The following DAB1 variants were observed in gnomAD, a reference collection of about 807,000 sequenced individuals.
The protein encoded by DAB1 is disabled homolog 1.
Under a neutral mutation model 64.6 loss-of-function variants are expected in DAB1, and 15 were observed. The ratio of observed to expected loss-of-function variants is 0.23; its 90% CI spans 0.16 to 0.36. The LOEUF is 0.36. Ranked by LOEUF, DAB1 falls within the 10% of genes least tolerant of loss-of-function variation. The pLI is 1.00. For missense variants in DAB1, 596 were observed against 706.7 expected, an observed-to-expected ratio of 0.84 and a Z score of 1.78; for synonymous variants, 235 against 251.9, an observed-to-expected ratio of 0.93 and a Z score of 0.64.
At chr1:58,158,454 C>G (rs1429122421) in intron 4 of DAB1, among the ~76,000 whole-genome samples, 1 of 152,138 alleles carries the variant, frequency 6.6e-6, no homozygotes, top group East Asian at 1.9e-4. Context: ...AGCTAAAACT[C>G]TCGGTCCACA....
At chr1:57,120,084 G>A (rs1006457973) in intron 4 of DAB1, among the ~76,000 whole-genome samples, 2 of 152,104 alleles carry the variant, frequency 1.3e-5, no homozygotes, top group Non-Finnish European at 2.9e-5. Context: ...TGTAGAAAGT[G>A]ACAACAAATA....
At chr1:57,549,913 A>G (rs1390434252) in intron 7 of DAB1, among the ~76,000 whole-genome samples, 1 of 152,202 alleles carries the variant, frequency 6.6e-6, no homozygotes, top group Non-Finnish European at 1.5e-5. Context: ...TAAGAGTTCT[A>G]CAGGCATTAG....
intron 4 of DAB1, among the ~76,000 whole-genome samples, chr1:57,121,133 A>G (rs1338758678): frequency 9.4e-6 from 1 of 106,640 alleles, no homozygotes; most frequent in Admixed American, 1.0e-4. Flanking sequence ...AGAAGAAGAG[A>G]AGAAGAAGGA....
chr1:57,398,455 T>G (rs1000362812), intron 1 of DAB1, among the ~76,000 whole-genome samples: 2 of 152,194 alleles, frequency 1.3e-5, no homozygotes, highest in African/African-American at 4.8e-5. Flanking sequence ...GAAAGGGGTC[T>G]TTTTAAATGA....
At chr1:57,626,593 C>A (rs1176148809) in intron 7 of DAB1, among the ~76,000 whole-genome samples, 1 of 152,104 alleles carries the variant, frequency 6.6e-6, no homozygotes, top group Non-Finnish European at 1.5e-5. Flanking sequence ...GCTGCTTTAA[C>A]AAGACACCAT....
At chr1:58,443,161 T>A (rs1645030921) in intron 3 of DAB1, among the ~76,000 whole-genome samples, 1 of 152,080 alleles carries the variant, frequency 6.6e-6, no homozygotes, top group Non-Finnish European at 1.5e-5. Flanking sequence ...GGACCAGCTC[T>A]CCCATCACCT....
intron 5 of DAB1, among the ~76,000 whole-genome samples, chr1:57,954,939 C>T (rs1645357833): frequency 6.6e-6 from 1 of 152,104 alleles, no homozygotes; most frequent in Admixed American, 6.5e-5. Context: ...CTCAGAGAGG[C>T]AAAAGACTTA....
intron 1 of DAB1, among the ~76,000 whole-genome samples, chr1:57,868,834 C>A (rs1206303434): frequency 6.6e-6 from 1 of 152,078 alleles, no homozygotes; most frequent in Non-Finnish European, 1.5e-5. Context: ...TTATTGGTAC[C>A]CAGTGCTTTC....
At chr1:57,743,221 A>C (rs1301736043) in intron 6 of DAB1, among the ~76,000 whole-genome samples, 1 of 152,164 alleles carries the variant, frequency 6.6e-6, no homozygotes, top group Non-Finnish European at 1.5e-5. Context: ...GAAGATCCAC[A>C]AAAGAAGTAA....
intron 6 of DAB1, among the ~76,000 whole-genome samples, chr1:57,674,317 T>C (rs1646541437): frequency 6.6e-6 from 1 of 152,206 alleles, no homozygotes. Flanking sequence ...ATTGCCATTT[T>C]ATGGATGAGC....
intron 5 of DAB1, among the ~76,000 whole-genome samples, chr1:58,136,931 A>G (rs1321538561): frequency 6.6e-6 from 1 of 152,212 alleles, no homozygotes; most frequent in Non-Finnish European, 1.5e-5. Context: ...TAAGACTTCA[A>G]GTTGTCTTAC....
intron 7 of DAB1, among the ~76,000 whole-genome samples, chr1:57,615,372 T>A (rs1645780010): frequency 6.6e-6 from 1 of 152,164 alleles, no homozygotes; most frequent in Non-Finnish European, 1.5e-5. Context: ...TCTTTCTACA[T>A]CTGCTACTTG....
chr1:58,182,432 T>C (rs999181271), intron 4 of DAB1, among the ~76,000 whole-genome samples: 3 of 152,076 alleles, frequency 2.0e-5, no homozygotes, highest in African/African-American at 7.2e-5. Flanking sequence ...CATATGTTGC[T>C]GTGCTTAATG....
intron 5 of DAB1, among the ~76,000 whole-genome samples, chr1:58,134,148 A>G (rs1241692216): frequency 2.0e-5 from 3 of 152,212 alleles, no homozygotes; most frequent in Non-Finnish European, 2.9e-5. Context: ...TTTATAAATA[A>G]TAGACATGTA....
intron 7 of DAB1, among the ~76,000 whole-genome samples, chr1:57,596,022 A>T (rs1645504918): frequency 6.6e-6 from 1 of 152,160 alleles, no homozygotes; most frequent in South Asian, 2.1e-4. Context: ...AGAACAGACT[A>T]TACACCTTGG....
intron 2 of DAB1, among the ~76,000 whole-genome samples, chr1:57,276,328 T>C (rs77142136): frequency 0.029 from 4,453 of 152,330 alleles, 64 homozygotes; most frequent in Non-Finnish European, 0.038. Context: ...AATCTATAAC[T>C]TTGTGAGCAG....
At chr1:57,874,598 G>T (rs1031718907) in intron 1 of DAB1, among the ~76,000 whole-genome samples, 2 of 152,102 alleles carry the variant, frequency 1.3e-5, no homozygotes, top group Non-Finnish European at 2.9e-5. Context: ...TCAAACAGAG[G>T]AAGAAACAGC....
chr1:58,539,720 G>C (rs992816303), intron 1 of DAB1, among the ~76,000 whole-genome samples: 1 of 152,108 alleles, frequency 6.6e-6, no homozygotes, highest in Non-Finnish European at 1.5e-5. Context: ...TGGACATTAC[G>C]CAATGAAGAA....
chr1:58,310,227 C>A (rs1662396280), intron 4 of DAB1, among the ~76,000 whole-genome samples: 1 of 152,176 alleles, frequency 6.6e-6, no homozygotes, highest in Admixed American at 6.5e-5. Flanking sequence ...TATGCCATCT[C>A]TGAACACCTA....
Sources: allele counts gnomAD v4.1 joint callset (sites outside exome capture counted in the v4.1 genomes callset), GRCh38; gene constraint gnomAD v4.1.1; transcripts MANE v1.5; gene names NCBI Gene and HGNC (gene_info 2026-07-23, HGNC 2026-07-21).